The following GRAMD2B variants were observed in gnomAD, a reference collection of about 807,000 sequenced individuals.
GRAMD2B encodes GRAM domain-containing protein 2B.
A neutral mutation model predicts 59.2 loss-of-function variants in GRAMD2B; 41 were observed. The observed-to-expected ratio is 0.69, with a 90% CI of 0.54 to 0.90. GRAMD2B has a LOEUF of 0.90. GRAMD2B is among the 40% of genes least tolerant of loss of function. The probability of loss-of-function intolerance (pLI) is 0.00; values close to 1 mark genes in which losing one functional copy is unlikely to be tolerated. For synonymous variants in GRAMD2B, 161 were observed against 182.7 expected (o/e 0.88, Z 0.96); for missense variants, 424 against 500.5 (o/e 0.85, Z 1.46).
chr5:126,423,430 T>G lies in GRAMD2B; in HGVS notation c.-177T>G, dbSNP rs1285086999. On this transcript the variant is annotated 5_prime_UTR_variant, in exon 1 of 14. Transcript: ENST00000285689. ...GACCAATCGCGCCCGCTCCGACGTG[T>G]CCAGGTCCGCGGCCCCGGGAGCTTG... The G allele has an allele frequency of 2.1e-6, 3 of 1,404,060 alleles. No homozygotes were observed. The highest frequency in any genetic ancestry group is 2.8e-6 in the Non-Finnish European group (3 of 1,084,930). The allele number at this position is 1,404,060 out of a possible 1,614,324, so 87.0% of individuals were successfully genotyped here.
At chr5:126,491,767 T>C (rs1249696163) in intron 13 of GRAMD2B, among the ~76,000 whole-genome samples, 1 of 152,040 alleles carries the variant, frequency 6.6e-6, no homozygotes. Context: ...AGAGTCTTGC[T>C]CTGTCACCCA....
chr5:126,419,241 C>G (rs1175382170), upstream of GRAMD2B, among the ~76,000 whole-genome samples: 2 of 151,984 alleles, frequency 1.3e-5, no homozygotes, highest in Admixed American at 1.3e-4. Flanking sequence ...CTGGGGAGGC[C>G]TCAGGAAACT....
At chr5:126,442,730 G>A (rs1763514983) in intron 1 of GRAMD2B, among the ~76,000 whole-genome samples, 1 of 152,046 alleles carries the variant, frequency 6.6e-6, no homozygotes, top group Admixed American at 6.5e-5. Flanking sequence ...TACAACTGGT[G>A]TCTCTAAATT....
At chr5:126,490,549 C>A (rs2126983184) in intron 13 of GRAMD2B, among the ~76,000 whole-genome samples, 1 of 152,240 alleles carries the variant, frequency 6.6e-6, no homozygotes, top group East Asian at 1.9e-4. Flanking sequence ...GATTTGGGGT[C>A]AAAATGCGCG....
At chr5:126,449,921 G>A (rs77959444) in intron 1 of GRAMD2B, among the ~76,000 whole-genome samples, 3,337 of 152,206 alleles carry the variant, frequency 0.022, 116 homozygotes, top group African/African-American at 0.075. Context: ...GACTGAGGAA[G>A]TAGCAATGCA....
chr5:126,400,256 A>G (rs1757707114), intron 1 of GRAMD2B, among the ~76,000 whole-genome samples: 1 of 152,118 alleles, frequency 6.6e-6, no homozygotes, highest in Non-Finnish European at 1.5e-5. Flanking sequence ...CTTCATGGTA[A>G]TCACAAGGAA....
upstream of GRAMD2B, among the ~76,000 whole-genome samples, chr5:126,421,469 G>A (rs545816922): frequency 6.6e-6 from 1 of 152,174 alleles, no homozygotes; most frequent in East Asian, 1.9e-4. Context: ...GGCAACTATG[G>A]GCACCAAGGA....
At chr5:126,404,730 C>A (rs1230827889) in intron 1 of GRAMD2B, among the ~76,000 whole-genome samples, 1 of 151,802 alleles carries the variant, frequency 6.6e-6, no homozygotes, top group East Asian at 1.9e-4. Context: ...AAGCATTGAT[C>A]TTGGCACTAA....
At chr5:126,391,080 T>C (rs1463424060) in intron 1 of GRAMD2B, among the ~76,000 whole-genome samples, 9 of 152,004 alleles carry the variant, frequency 5.9e-5, no homozygotes, top group African/African-American at 2.2e-4. Context: ...GTACAGGAGT[T>C]AGATGTGGCA....
intron 1 of GRAMD2B, chr5:126,465,110 C>G (rs1367778299): frequency 8.4e-7 from 1 of 1,193,048 alleles, no homozygotes; most frequent in African/African-American, 1.6e-5. Flanking sequence ...CAGGGCGCTC[C>G]CAGCCTCCAG....
intron 1 of GRAMD2B, among the ~76,000 whole-genome samples, chr5:126,431,120 T>C (rs1325189880): frequency 2.0e-5 from 3 of 152,204 alleles, no homozygotes; most frequent in Non-Finnish European, 4.4e-5. Flanking sequence ...AACGTTTTGG[T>C]CTTTTTTTCT....
rs186878040 is a variant in GRAMD2B at position 126,447,478 on chromosome 5, C to T, written c.84-17948C>T. Reference sequence around the variant, plus strand: ...AAGATTGAGACCATCCTCGATAACACGGTGAAACCCCGTCTCTACTAAAAA... The same window carrying T: ...AAGATTGAGACCATCCTCGATAACATGGTGAAACCCCGTCTCTACTAAAAA... On this transcript the variant is annotated intron_variant, in intron 1 of 13. Coordinates refer to ENST00000285689, the MANE Select transcript of GRAMD2B (RefSeq NM_023927.4). Among the ~76,000 whole-genome samples the T allele has an allele frequency of 3.2e-3, 489 of 152,158 alleles. 3 individuals carry two copies. The highest frequency in any genetic ancestry group is 5.2e-3 in the Non-Finnish European group (355 of 68,000).
At chr5:126,479,984 G>A (rs1029651284) in intron 6 of GRAMD2B, 1 of 153,140 alleles carries the variant, frequency 6.5e-6, no homozygotes, top group African/African-American at 2.4e-5. Flanking sequence ...GCAAGAAAGA[G>A]AGCTAGCCTA....
intron 13 of GRAMD2B, among the ~76,000 whole-genome samples, chr5:126,491,411 T>C (rs368288727): frequency 6.8e-4 from 104 of 152,352 alleles, no homozygotes; most frequent in African/African-American, 2.4e-3. Flanking sequence ...AGAGCATAAA[T>C]GTTGGAGTCA....
chr5:126,472,553 C>T (rs141827958), intron 4 of GRAMD2B, among the ~76,000 whole-genome samples: 3 of 152,246 alleles, frequency 2.0e-5, no homozygotes, highest in Non-Finnish European at 4.4e-5. Context: ...GATGCCCTTC[C>T]CTTCTTTATT....
At chr5:126,399,181 T>C (rs1757616073) in intron 1 of GRAMD2B, among the ~76,000 whole-genome samples, 1 of 152,184 alleles carries the variant, frequency 6.6e-6, no homozygotes, top group Non-Finnish European at 1.5e-5. Context: ...TATCCATTAG[T>C]GTAAGTGGGG....
intron 1 of GRAMD2B, among the ~76,000 whole-genome samples, chr5:126,437,715 A>T (rs1351843304): frequency 6.6e-6 from 1 of 152,252 alleles, no homozygotes; most frequent in Admixed American, 6.5e-5. Flanking sequence ...AAAACAAACA[A>T]GGAAAGGAGA....
intron 1 of GRAMD2B, among the ~76,000 whole-genome samples, chr5:126,456,900 T>C (rs1434741868): frequency 1.3e-5 from 2 of 152,242 alleles, no homozygotes; most frequent in African/African-American, 4.8e-5. Flanking sequence ...GATATAGAAG[T>C]ACCTGGCTGA....
intron 1 of GRAMD2B, among the ~76,000 whole-genome samples, chr5:126,446,250 A>G (rs1764210202): frequency 6.6e-6 from 1 of 152,202 alleles, no homozygotes; most frequent in African/African-American, 2.4e-5. Flanking sequence ...ATGAAAAGAT[A>G]GTGTGGTCTG....
Sources: allele counts gnomAD v4.1 joint callset (sites outside exome capture counted in the v4.1 genomes callset), GRCh38; gene constraint gnomAD v4.1.1; transcripts MANE v1.5; gene names NCBI Gene and HGNC (gene_info 2026-07-23, HGNC 2026-07-21).